The following CYP24A1 variants were observed in gnomAD, a reference collection of about 807,000 sequenced individuals.
CYP24A1 encodes cytochrome P450 family 24 subfamily A member 1.
Under a neutral mutation model 62.4 loss-of-function variants are expected in CYP24A1, and 68 were observed. The observed-to-expected ratio is 1.09, with a 90% confidence interval of 0.90 to 1.33. CYP24A1 has a LOEUF of 1.33. Among genes scored for constraint, CYP24A1 ranks in the 40% most tolerant of loss-of-function variants. CYP24A1 has a pLI of 0.00. For missense variants in CYP24A1, 787 were observed against 653.0 expected (o/e 1.21, Z -2.24); for synonymous variants, 267 against 253.0 (o/e 1.06, Z -0.52).
downstream of CYP24A1, among the ~76,000 whole-genome samples, chr20:54,151,052 T>C (rs1163057611): frequency 6.6e-6 from 1 of 152,132 alleles, no homozygotes; most frequent in Non-Finnish European, 1.5e-5. Context: ...AGCAAGTTTA[T>C]TAGGAAAGTA....
In CYP24A1 at chr20:54,158,982, T is replaced by G. The variant is rs763117447; in HGVS notation, c.1132A>C (p.Lys378Gln). Reference protein sequence around the residue: ...AEDLRNMPYLKACLKESMRLT... With the variant: ...AEDLRNMPYLQACLKESMRLT... ...CTCATAGATTCTTTCAGACAGGCTTTTAAATACGGCATATTCCTCAAATCT... is the reference window on the plus strand; with the variant it reads ...CTCATAGATTCTTTCAGACAGGCTTGTAAATACGGCATATTCCTCAAATCT... The change falls in exon 8 of 12, where the codon AAA (lysine) becomes CAA (glutamine). Residue 378 changes from lysine (K) to glutamine (Q), a missense_variant. Transcript: ENST00000216862. 1 of 1,614,210 alleles carries G rather than the reference T, an allele frequency of 6.2e-7. No individual in the cohort carries two copies. Among genetic ancestry groups the G allele is most frequent in the South Asian group, 1.1e-5 (1 of 91,084 alleles).
downstream of CYP24A1, among the ~76,000 whole-genome samples, chr20:54,150,019 G>A (rs2092610208): frequency 2.0e-5 from 3 of 152,154 alleles, no homozygotes; most frequent in South Asian, 6.2e-4. Context: ...ACCCATTTAT[G>A]CCTAGTGTTC....
Position 54,164,649 on chromosome 20 carries a change from G to T in CYP24A1, c.733-86C>A. Reference sequence around the variant, plus strand: ...TTCTGGAAGAGGAACATTCTAAACCGCAGCACCCTGCACTTTTTAAAAGGC... The same window carrying T: ...TTCTGGAAGAGGAACATTCTAAACCTCAGCACCCTGCACTTTTTAAAAGGC... On this transcript the variant is annotated intron_variant, in intron 5 of 11. Transcript: ENST00000216862. The T allele has an allele frequency of 8.1e-6, 13 of 1,607,108 alleles. No homozygotes were observed. In the South Asian group the frequency reaches 1.1e-4, roughly 14 times the overall value.
Position 54,165,773 on chromosome 20 carries a change from T to A in CYP24A1, c.701A>T (p.Glu234Val). Residue 234 changes from glutamate (E) to valine (V), a missense_variant, in exon 5 of 12, where the codon GAA becomes GTA. By Grantham distance (121) the Glu-to-Val change is moderately radical (BLOSUM62 -2). Coordinates refer to ENST00000216862, the MANE Select transcript of CYP24A1 (RefSeq NM_000782.5). ...GATGGCCATGATGAAGTTCACAGCTTCATCCCCTGCATTCTTCTGGAGAAG... is the reference window on the plus strand; with the variant it reads ...GATGGCCATGATGAAGTTCACAGCTACATCCCCTGCATTCTTCTGGAGAAG... The part of the protein sequence containing the change: ...FGLLQKNAGD[E>V]AVNFIMAIKT... 6.5e-7 allele frequency: 1 copy of A among 1,539,516 alleles called. No homozygotes were observed. Among genetic ancestry groups the A allele is most frequent in the Non-Finnish European group, 9.0e-7 (1 of 1,111,586 alleles).
chr20:54,151,838 T>C (rs1056635544), downstream of CYP24A1, among the ~76,000 whole-genome samples: 1 of 152,202 alleles, frequency 6.6e-6, no homozygotes, highest in Non-Finnish European at 1.5e-5. Flanking sequence ...TAACTGTGAT[T>C]CTAAGGAGAT....
downstream of CYP24A1, among the ~76,000 whole-genome samples, chr20:54,152,048 T>C (rs767198626): frequency 2.0e-5 from 3 of 152,168 alleles, no homozygotes; most frequent in Non-Finnish European, 4.4e-5. Flanking sequence ...CCAGGCAACC[T>C]GCTCAGGGAG....
chr20:54,147,950 C>T, the CYP24A1 span, among the ~76,000 whole-genome samples: 3 of 152,136 alleles, frequency 2.0e-5, no homozygotes, highest in East Asian at 3.9e-4. Context: ...TCTCCTGCCT[C>T]AGCCTCCCGA....
intron 7 of CYP24A1, 130 bp downstream of exon 7, chr20:54,162,587 T>TG (rs2092656634): frequency 1.8e-6 from 1 of 557,874 alleles, no homozygotes; most frequent in South Asian, 1.8e-5. Context: ...AGTATGAGAC[T>TG]TTTCATTTTT....
At chr20:54,168,254 C>G (rs561740631) in intron 4 of CYP24A1, among the ~76,000 whole-genome samples, 1 of 152,332 alleles carries the variant, frequency 6.6e-6, no homozygotes, top group South Asian at 2.1e-4. Context: ...CTGCTCTCCT[C>G]TTGCACCCCC....
chr20:54,171,453 C>T, intron 3 of CYP24A1, 124 bp downstream of exon 3: 1 of 1,579,444 alleles, frequency 6.3e-7, no homozygotes, highest in African/African-American at 1.3e-5. Context: ...AAAGAGAAGA[C>T]CCCCACTTTG....
chr20:54,155,112 G>T (rs2092622895), intron 11 of CYP24A1, among the ~76,000 whole-genome samples: 1 of 152,044 alleles, frequency 6.6e-6, no homozygotes, highest in South Asian at 2.1e-4. Flanking sequence ...TGAAGGCTGG[G>T]GTGTCACAAT....
chr20:54,158,936 G>A, intron 8 of CYP24A1, 21 bp downstream of exon 8: 1 of 1,614,108 alleles, frequency 6.2e-7, no homozygotes, highest in African/African-American at 1.3e-5. Flanking sequence ...CATTTATATT[G>A]GCTCAGAGAT....
downstream of CYP24A1, chr20:54,153,341 T>C (rs1372874308): frequency 6.6e-6 from 1 of 152,230 alleles, no homozygotes; most frequent in Non-Finnish European, 1.5e-5. Context: ...GTAAATTTTG[T>C]GATATAGGGC....
At chr20:54,147,787 A>G in the CYP24A1 span, among the ~76,000 whole-genome samples, 2 of 152,216 alleles carry the variant, frequency 1.3e-5, no homozygotes, top group African/African-American at 4.8e-5. Context: ...AATGCCACAC[A>G]GCAGAGGAGC....
At chr20:54,172,017 A>G (rs1484967675) in intron 2 of CYP24A1, 5 of 366,206 alleles carry the variant, frequency 1.4e-5, no homozygotes, top group Middle Eastern at 9.2e-4. Context: ...GCATGTGAAC[A>G]CCCCATCACC....
rs753887561 is a variant in CYP24A1 at position 54,164,582 on chromosome 20, C to T, written c.733-19G>A. The T allele has an allele frequency of 1.6e-5, 26 of 1,614,092 alleles. No individual in the cohort carries two copies. In the South Asian group the frequency reaches 2.9e-4, roughly 18 times the overall value. ...TCATCATCTGAGAGAAATGCAAATG[C>T]CTTTTTATTCTGAATTCTCCTTCTC... On this transcript the variant is annotated intron_variant, in intron 5 of 11. Transcript: ENST00000216862.
intron 7 of CYP24A1, among the ~76,000 whole-genome samples, chr20:54,161,598 G>A (rs1357863634): frequency 6.6e-6 from 1 of 151,824 alleles, no homozygotes; most frequent in African/African-American, 2.4e-5. Flanking sequence ...TAGATGCCAA[G>A]TACTGTTCTA....
chr20:54,150,279 AC>A (rs1176872720), downstream of CYP24A1, among the ~76,000 whole-genome samples: 1 of 152,208 alleles, frequency 6.6e-6, no homozygotes, highest in Non-Finnish European at 1.5e-5. Context: ...CTAATGAAAC[AC>A]CTGTGAGTTC....
At chr20:54,158,020 G>C (rs936886117) in intron 9 of CYP24A1, 66 bp downstream of exon 9, 1 of 1,601,942 alleles carries the variant, frequency 6.2e-7, no homozygotes, top group African/African-American at 1.3e-5. Flanking sequence ...AGGGAGATCT[G>C]GTGAATATTT....
Sources: allele counts gnomAD v4.1 joint callset (sites outside exome capture counted in the v4.1 genomes callset), GRCh38; gene constraint gnomAD v4.1.1; transcripts MANE v1.5; gene names NCBI Gene and HGNC (gene_info 2026-07-23, HGNC 2026-07-21).